Variants in ACSL4 observed in about 807,000 individuals in gnomAD.
ACSL4 encodes acyl-CoA synthetase long chain family member 4.
In ACSL4, 9 loss-of-function variants were observed where a neutral mutation model predicts 49.1. The ratio of observed to expected loss-of-function variants is 0.18; its 90% CI spans 0.11 to 0.32. ACSL4 has a LOEUF of 0.32. Ranked by LOEUF, ACSL4 falls within the 10% of genes least tolerant of loss-of-function variation. The probability of loss-of-function intolerance (pLI) is 1.00; values close to 1 mark genes in which losing one functional copy is unlikely to be tolerated. For missense variants in ACSL4, 333 were observed against 493.7 expected, an observed-to-expected ratio of 0.67 and a Z score of 3.08; for synonymous variants, 191 against 170.3, an observed-to-expected ratio of 1.12 and a Z score of -0.95.
chrX:109,709,359 T>C (rs1426761726), intron 1 of ACSL4, among the ~76,000 whole-genome samples: 1 of 112,263 alleles, frequency 8.9e-6, no homozygotes, highest in East Asian at 2.8e-4. Context: ...TACTCAAACT[T>C]CAAAGGGTAT....
chrX:109,700,204 T>C (rs1925778742), intron 1 of ACSL4, among the ~76,000 whole-genome samples: 1 of 64,652 alleles, frequency 1.5e-5, no homozygotes, highest in African/African-American at 6.8e-5. Context: ...TGAGACTCCG[T>C]CTCAAAAAAA....
intron 9 of ACSL4, among the ~76,000 whole-genome samples, chrX:109,671,041 C>T (rs1022858087): frequency 8.0e-5 from 9 of 112,354 alleles, no homozygotes; most frequent in Middle Eastern, 4.6e-3. Flanking sequence ...TCTGCTCGGC[C>T]GCCACCCCGT....
intron 1 of ACSL4, among the ~76,000 whole-genome samples, chrX:109,727,784 C>T (rs747800798): frequency 9.2e-6 from 1 of 109,171 alleles, no homozygotes; most frequent in East Asian, 2.9e-4. Context: ...AGAAAATTGG[C>T]TTCACGGGAC....
chrX:109,702,931 T>C (rs1926079651), intron 1 of ACSL4, among the ~76,000 whole-genome samples: 1 of 111,947 alleles, frequency 8.9e-6, no homozygotes, highest in African/African-American at 3.2e-5. Context: ...AGAAGAATTC[T>C]AATAAATGTA....
chrX:109,666,907 T>G (rs749707708), intron 11 of ACSL4, among the ~76,000 whole-genome samples: 4 of 111,792 alleles, frequency 3.6e-5, no homozygotes, highest in African/African-American at 1.3e-4. Context: ...AGAGCAAGAC[T>G]CTGTCTCAAA....
rs1924143309 is a variant in ACSL4, at chrX:109,681,249, G to T, written c.516+17C>A. 5 of 1,199,991 alleles carry T rather than the reference G, an allele frequency of 4.2e-6. No individual in the cohort carries two copies. Among genetic ancestry groups the T allele is most frequent in the Non-Finnish European group, 5.6e-6 (5 of 886,215 alleles). ...CAGACAACGCAACCATGAATTAAAA[G>T]AAAATTTCATATTTACCTTAAGTTT... On this transcript the variant is annotated intron_variant, in intron 5 of 15. Coordinates refer to ENST00000672401, the MANE Select transcript of ACSL4 (RefSeq NM_001318510.2).
chrX:109,669,671 C>T (rs916621767), intron 9 of ACSL4, among the ~76,000 whole-genome samples: 3 of 112,154 alleles, frequency 2.7e-5, no homozygotes, highest in Non-Finnish European at 5.6e-5. Context: ...GGATTACAGG[C>T]GTGAGCCACC....
chrX:109,663,121 T>C, intron 13 of ACSL4, 90 bp downstream of exon 13: 1 of 836,843 alleles, frequency 1.2e-6, no homozygotes, highest in Non-Finnish European at 1.7e-6. Flanking sequence ...AATGGAACCA[T>C]CAACTTTATT....
intron 2 of ACSL4, among the ~76,000 whole-genome samples, chrX:109,689,479 C>T (rs1446479403): frequency 8.9e-6 from 1 of 112,164 alleles, no homozygotes; most frequent in Non-Finnish European, 1.9e-5. Flanking sequence ...CTACAACCTA[C>T]AAGACTATAT....
At chrX:109,657,523 C>T (rs1394212412) in intron 15 of ACSL4, among the ~76,000 whole-genome samples, 1 of 110,648 alleles carries the variant, frequency 9.0e-6, no homozygotes, top group African/African-American at 3.3e-5. Context: ...CAGCTTCATC[C>T]ATGTCCCTAC....
chrX:109,693,256 G>GTT (rs1230762358), intron 2 of ACSL4, among the ~76,000 whole-genome samples: 1 of 108,179 alleles, frequency 9.2e-6, no homozygotes, highest in East Asian at 2.8e-4. Context: ...AAATTGTATC[G>GTT]TGATTTAAAA....
intron 11 of ACSL4, 100 bp downstream of exon 11, chrX:109,668,001 T>G (rs920762563): frequency 1.4e-4 from 81 of 589,036 alleles, no homozygotes; most frequent in Non-Finnish European, 2.1e-4. Context: ...TGATATTAGT[T>G]AAGAGGTATT....
intron 1 of ACSL4, among the ~76,000 whole-genome samples, chrX:109,701,757 G>T (rs1569436654): frequency 1.1e-5 from 1 of 88,576 alleles, no homozygotes; most frequent in Non-Finnish European, 2.2e-5. Context: ...TGTTAGCCAG[G>T]GTGGTTTCGA....
intron 13 of ACSL4, among the ~76,000 whole-genome samples, chrX:109,662,232 T>C (rs768465959): frequency 4.5e-5 from 5 of 111,255 alleles, no homozygotes; most frequent in Non-Finnish European, 5.7e-5. Context: ...AATCATCACA[T>C]GGCCTTGGAA....
intron 15 of ACSL4, among the ~76,000 whole-genome samples, chrX:109,659,082 C>A (rs1166616797): frequency 9.0e-6 from 1 of 111,533 alleles, no homozygotes; most frequent in Non-Finnish European, 1.9e-5. Flanking sequence ...ATTTATATAA[C>A]AGATCTACCC....
rs187811546 is a variant in ACSL4 at position 109,678,363 on chromosome X, A to G, written c.708T>C (p.Tyr236=). The G allele has an allele frequency of 3.3e-6, 4 of 1,210,357 alleles. No homozygotes were observed. In the East Asian group the frequency reaches 8.9e-5, roughly 27 times the overall value. The change falls in exon 7 of 16, where the codon TAT becomes TAC. Residue 236 remains tyrosine, a synonymous_variant. Transcript: ENST00000672401. ...PTPSDMAIVM[Y]TSGSTGRPKG... Reference sequence around the variant, plus strand: ...TAGGTCGGCCAGTAGAACCACTAGTATACATAACAATGGCCATGTCTGAAG... The same window carrying G: ...TAGGTCGGCCAGTAGAACCACTAGTGTACATAACAATGGCCATGTCTGAAG...
chrX:109,683,441 G>C (rs142407800), intron 2 of ACSL4, 66 bp from the exon 3 acceptor site: 2 of 1,209,438 alleles, frequency 1.7e-6, no homozygotes, highest in African/African-American at 3.5e-5. Context: ...ATTAACAAGT[G>C]GACAGGCAGC....
rs1468986851 is a variant in ACSL4 at position 109,668,078 on chromosome X, T to C, written c.1315+23A>G. The C allele has an allele frequency of 4.4e-6, 5 of 1,144,604 alleles. No homozygotes were observed. In the African/African-American group the frequency reaches 9.0e-5, roughly 21 times the overall value. The allele number at this position is 1,144,604 out of a possible 1,213,427, so 94.3% of individuals were successfully genotyped here. A position where few individuals can be genotyped will look rare whatever the true frequency, so the allele number is the denominator to read the frequency against. ...TATTAGTAGCAGCTGATACAGAATA[T>C]TTACCACATTAATAATGCTTACCTT... On this transcript the variant is annotated intron_variant, in intron 11 of 15. Coordinates refer to ENST00000672401, the MANE Select transcript of ACSL4 (RefSeq NM_001318510.2).
At chrX:109,665,124 G>A (rs1922528522) in intron 12 of ACSL4, among the ~76,000 whole-genome samples, 1 of 111,452 alleles carries the variant, frequency 9.0e-6, no homozygotes, top group Admixed American at 9.5e-5. Context: ...CACTAGTAAA[G>A]TCAAGTTTCA....
Sources: allele counts gnomAD v4.1 joint callset (sites outside exome capture counted in the v4.1 genomes callset), GRCh38; gene constraint gnomAD v4.1.1; transcripts MANE v1.5; gene names NCBI Gene and HGNC (gene_info 2026-07-23, HGNC 2026-07-21).